GALNTL6: variants seen among roughly 807,000 people sequenced by gnomAD.
The protein encoded by GALNTL6 is polypeptide N-acetylgalactosaminyltransferase like 6, also known as polypeptide N-acetylgalactosaminyltransferase-like 6.
In GALNTL6, 46 loss-of-function variants were observed where a neutral mutation model predicts 73.7. The ratio of observed to expected loss-of-function variants is 0.62; its 90% confidence interval spans 0.49 to 0.80. The LOEUF (loss-of-function observed/expected upper bound fraction) is 0.80. GALNTL6 is among the 30% of genes least tolerant of loss of function. The probability of loss-of-function intolerance (pLI) is 0.00; values close to 1 mark genes in which losing one functional copy is unlikely to be tolerated. For missense variants in GALNTL6, 604 were observed against 755.0 expected (o/e 0.80, Z 2.34); for synonymous variants, 259 against 263.7 (o/e 0.98, Z 0.17).
intron 5 of GALNTL6, among the ~76,000 whole-genome samples, chr4:172,781,299 A>C (rs531327864): frequency 6.6e-6 from 1 of 152,208 alleles, no homozygotes; most frequent in Non-Finnish European, 1.5e-5. Context: ...TCTATGAAGT[A>C]AAACTTTCGA....
At chr4:172,173,782 G>T (rs910729185) in intron 2 of GALNTL6, among the ~76,000 whole-genome samples, 2 of 152,106 alleles carry the variant, frequency 1.3e-5, no homozygotes, top group African/African-American at 4.8e-5. Flanking sequence ...GGGATGATAG[G>T]GAAAAGACAT....
intron 5 of GALNTL6, among the ~76,000 whole-genome samples, chr4:172,599,431 T>G (rs1353637316): frequency 1.3e-5 from 2 of 152,154 alleles, no homozygotes; most frequent in Non-Finnish European, 2.9e-5. Flanking sequence ...GGAAAAATAT[T>G]TTAATGTATT....
At chr4:172,248,167 ACAGT>A (rs1433688637) in intron 3 of GALNTL6, among the ~76,000 whole-genome samples, 10 of 152,250 alleles carry the variant, frequency 6.6e-5, no homozygotes, top group East Asian at 1.9e-4. Context: ...GAATGAATAC[ACAGT>A]CAGATTACCT....
At chr4:172,707,904 T>TG (rs1258700580) in intron 5 of GALNTL6, among the ~76,000 whole-genome samples, 3 of 152,070 alleles carry the variant, frequency 2.0e-5, no homozygotes, top group Non-Finnish European at 4.4e-5. Context: ...TTGTTACAGT[T>TG]GGGCTATGTA....
intron 5 of GALNTL6, among the ~76,000 whole-genome samples, chr4:172,465,506 G>T (rs1284667420): frequency 3.3e-5 from 5 of 151,484 alleles, no homozygotes; most frequent in Non-Finnish European, 5.9e-5. Context: ...AAAAGAAAAA[G>T]AAACTAGTAC....
At chr4:172,890,138 T>G (rs930214870) in intron 8 of GALNTL6, among the ~76,000 whole-genome samples, 3 of 152,136 alleles carry the variant, frequency 2.0e-5, no homozygotes, top group Non-Finnish European at 2.9e-5. Flanking sequence ...TTGGATCTTC[T>G]CTCTTTTTTT....
intron 8 of GALNTL6, among the ~76,000 whole-genome samples, chr4:172,885,725 TTTTC>T (rs1178951787): frequency 2.9e-4 from 44 of 152,296 alleles, no homozygotes; most frequent in African/African-American, 9.4e-4. Flanking sequence ...TATTGAGATA[TTTTC>T]TTTCTATATC....
chr4:172,132,821 C>A (rs941927619), intron 2 of GALNTL6, among the ~76,000 whole-genome samples: 1 of 152,162 alleles, frequency 6.6e-6, no homozygotes, highest in Non-Finnish European at 1.5e-5. Flanking sequence ...GAATCTATCT[C>A]TCATAATATT....
intron 7 of GALNTL6, among the ~76,000 whole-genome samples, chr4:172,851,746 A>C (rs1743829452): frequency 1.3e-5 from 2 of 152,198 alleles, no homozygotes; most frequent in Non-Finnish European, 2.9e-5. Flanking sequence ...AAAAGGGCAA[A>C]GCATATTCTG....
At chr4:172,893,344 G>T (rs1746144673) in intron 8 of GALNTL6, among the ~76,000 whole-genome samples, 1 of 116,696 alleles carries the variant, frequency 8.6e-6, no homozygotes, top group Admixed American at 7.7e-5. Flanking sequence ...TCTGAGAGTG[G>T]CGGGGGGGGG....
intron 2 of GALNTL6, among the ~76,000 whole-genome samples, chr4:171,992,247 G>T (rs899419651): frequency 2.6e-5 from 4 of 151,884 alleles, no homozygotes; most frequent in Non-Finnish European, 5.9e-5. Flanking sequence ...GATCTATACT[G>T]CTGGGTTTTT....
At chr4:172,456,423 C>T (rs1245425931) in intron 5 of GALNTL6, among the ~76,000 whole-genome samples, 2 of 151,754 alleles carry the variant, frequency 1.3e-5, no homozygotes, top group African/African-American at 4.8e-5. Flanking sequence ...GGAGCATGTT[C>T]TAACCCAATG....
intron 5 of GALNTL6, among the ~76,000 whole-genome samples, chr4:172,713,363 A>G (rs1369909474): frequency 6.6e-6 from 1 of 151,730 alleles, no homozygotes; most frequent in Non-Finnish European, 1.5e-5. Context: ...TCTAGTGTGG[A>G]GACCCATGAA....
intron 3 of GALNTL6, among the ~76,000 whole-genome samples, chr4:172,233,985 A>C (rs1481079203): frequency 6.6e-6 from 1 of 151,944 alleles, no homozygotes; most frequent in African/African-American, 2.4e-5. Context: ...TTTAGTATTA[A>C]TCTTAGTAAA....
At chr4:172,021,172 T>C (rs534392856) in intron 2 of GALNTL6, among the ~76,000 whole-genome samples, 8 of 152,010 alleles carry the variant, frequency 5.3e-5, no homozygotes, top group Non-Finnish European at 8.8e-5. Context: ...CTGCAGCTAG[T>C]GTCATATCGA....
At chr4:172,869,027 C>A (rs1452998270) in intron 7 of GALNTL6, among the ~76,000 whole-genome samples, 5 of 152,112 alleles carry the variant, frequency 3.3e-5, no homozygotes, top group African/African-American at 1.2e-4. Context: ...GTGCATTCCA[C>A]TAATTGTGCA....
At position 171,901,017 on chromosome 4, in the gene GALNTL6, A is replaced by G. The variant is rs1024403299; in HGVS notation, c.138+86299A>G. ...TGTCCAAAACAGGCCAGGAAGACTG[A>G]TAATAAAGGAAGACAAATAGAGCTA... On this transcript the variant is annotated intron_variant, in intron 2 of 12. Transcript: ENST00000506823. Among the ~76,000 whole-genome samples, 9 of 152,338 alleles carry G rather than the reference A, an allele frequency of 5.9e-5. No homozygotes were observed. In the Middle Eastern group the frequency reaches 0.014, roughly 230 times the overall value.
intron 5 of GALNTL6, among the ~76,000 whole-genome samples, chr4:172,432,389 T>G (rs2111384893): frequency 6.6e-6 from 1 of 151,958 alleles, no homozygotes; most frequent in South Asian, 2.1e-4. Flanking sequence ...CAACTGAAGT[T>G]TTGCAACTGA....
chr4:172,356,374 C>G (rs1742159418), intron 5 of GALNTL6, among the ~76,000 whole-genome samples: 1 of 151,994 alleles, frequency 6.6e-6, no homozygotes, highest in South Asian at 2.1e-4. Flanking sequence ...TTTAATAATG[C>G]AATGTTCAGT....
Sources: gnomAD v4.1 joint callset for allele counts (sites outside exome capture counted in the v4.1 genomes callset) on GRCh38, gnomAD v4.1.1 for gene constraint, MANE v1.5 for transcripts, NCBI Gene and HGNC (gene_info 2026-07-23, HGNC 2026-07-21) for gene names.